Variants in CD2AP observed in about 807,000 individuals in gnomAD.
CD2AP encodes the protein CD2 associated protein, also known as CD2-associated protein.
Under a neutral mutation model 85.1 loss-of-function variants are expected in CD2AP, and 46 were observed. The ratio of observed to expected loss-of-function variants is 0.54; its 90% CI spans 0.43 to 0.69. The LOEUF (loss-of-function observed/expected upper bound fraction) is 0.69. CD2AP is among the 30% of genes least tolerant of loss of function. CD2AP has a pLI of 0.00. For missense variants in CD2AP, 769 were observed against 729.5 expected, an observed-to-expected ratio of 1.05 and a Z score of -0.62; for synonymous variants, 255 against 252.9, an observed-to-expected ratio of 1.01 and a Z score of -0.08.
chr6:47,599,011 A>G (rs963169358), intron 12 of CD2AP, among the ~76,000 whole-genome samples: 1 of 150,598 alleles, frequency 6.6e-6, no homozygotes, highest in Admixed American at 6.6e-5. Context: ...TTGTCCTTCT[A>G]TTGTTGCAAT....
chr6:47,600,238 AT>A (rs1769094017), intron 13 of CD2AP, among the ~76,000 whole-genome samples: 1 of 151,930 alleles, frequency 6.6e-6, no homozygotes, highest in Non-Finnish European at 1.5e-5. Context: ...GACACATTAA[AT>A]AAGCACTATC....
chr6:47,498,652 A>G (rs1765928361), intron 1 of CD2AP, among the ~76,000 whole-genome samples: 1 of 152,206 alleles, frequency 6.6e-6, no homozygotes, highest in Admixed American at 6.5e-5. Context: ...TTCAAAAAAC[A>G]GTAAGATACT....
At chr6:47,484,378 T>C (rs1272705044) in intron 1 of CD2AP, among the ~76,000 whole-genome samples, 1 of 151,884 alleles carries the variant, frequency 6.6e-6, no homozygotes, top group Non-Finnish European at 1.5e-5. Context: ...TATGTTTTGG[T>C]TTTTGTTTCT....
chr6:47,608,941 A>G (rs1191892480), intron 15 of CD2AP, among the ~76,000 whole-genome samples, 182 bp from the exon 16 acceptor site: 1 of 152,150 alleles, frequency 6.6e-6, no homozygotes, highest in Non-Finnish European at 1.5e-5. Flanking sequence ...ACCACTAATG[A>G]TTACAAATGT....
chr6:47,530,237 G>A (rs1044491002), intron 2 of CD2AP, among the ~76,000 whole-genome samples: 5 of 151,994 alleles, frequency 3.3e-5, no homozygotes, highest in Non-Finnish European at 5.9e-5. Flanking sequence ...ACAATAAATG[G>A]CATCCATTTA....
At chr6:47,486,704 C>A (rs1315947912) in intron 1 of CD2AP, among the ~76,000 whole-genome samples, 1 of 152,196 alleles carries the variant, frequency 6.6e-6, no homozygotes, top group African/African-American at 2.4e-5. Context: ...ATCCTTCTTA[C>A]TGTCCTATCA....
intron 1 of CD2AP, among the ~76,000 whole-genome samples, chr6:47,478,505 C>T (rs1028653037): frequency 6.2e-5 from 9 of 145,298 alleles, no homozygotes. Context: ...CAGAAAGGTG[C>T]GGGATGGGGG....
At chr6:47,570,712 C>G (rs114149837) in intron 5 of CD2AP, among the ~76,000 whole-genome samples, 1 of 152,120 alleles carries the variant, frequency 6.6e-6, no homozygotes, top group Non-Finnish European at 1.5e-5. Context: ...AATTAGTTTA[C>G]TTCTCATAGC....
At chr6:47,503,934 C>T (rs9395263) in intron 2 of CD2AP, among the ~76,000 whole-genome samples, 50,956 of 152,080 alleles carry the variant, frequency 0.34, 9,368 homozygotes, top group Middle Eastern at 0.53. Flanking sequence ...CTGGTCTTCT[C>T]ATTATATTTT....
intron 17 of CD2AP, among the ~76,000 whole-genome samples, chr6:47,615,789 T>TTAAA (rs1240983331): frequency 2.8e-4 from 25 of 89,718 alleles, no homozygotes; most frequent in Non-Finnish European, 2.5e-5. Context: ...TTTAATTTAA[T>TTAAA]TTAATTTATT....
intron 2 of CD2AP, among the ~76,000 whole-genome samples, chr6:47,518,943 C>T (rs1270458358): frequency 1.3e-5 from 2 of 149,696 alleles, no homozygotes; most frequent in African/African-American, 4.9e-5. Flanking sequence ...GTGGCATATC[C>T]CTCCCTACAC....
intron 2 of CD2AP, among the ~76,000 whole-genome samples, chr6:47,529,107 C>G (rs936733527): frequency 4.1e-5 from 6 of 147,828 alleles, no homozygotes; most frequent in Non-Finnish European, 7.4e-5. Flanking sequence ...CTGACTCTTT[C>G]AGCGTTTCTC....
At chr6:47,551,161 C>T (rs559934783) in intron 4 of CD2AP, among the ~76,000 whole-genome samples, 108 of 151,466 alleles carry the variant, frequency 7.1e-4, no homozygotes, top group African/African-American at 2.5e-3. Context: ...CTAACACCAC[C>T]GGTTCCCCAA....
In CD2AP at chr6:47,511,883, C is replaced by CA. The variant is rs1020376792; in HGVS notation, c.165+8443_165+8444insA. Among the ~76,000 whole-genome samples the CA allele has an allele frequency of 9.5e-5, 8 of 84,414 alleles. No homozygotes were observed. The Middle Eastern group carries it at 0.048, about 511-fold the overall frequency. 55.4% of individuals were successfully genotyped at this position (84,414 alleles called of 152,430 possible). ...CTCTACTAAAATACAAAAAATTGGC[C>CA]GGGGGTGGCTCACACTTGTAATCCC... On this transcript the variant is annotated intron_variant, in intron 2 of 17. Transcript: ENST00000359314.
intron 1 of CD2AP, among the ~76,000 whole-genome samples, chr6:47,483,078 T>C (rs1765485010): frequency 6.6e-6 from 1 of 152,178 alleles, no homozygotes; most frequent in Admixed American, 6.5e-5. Context: ...ACTAGTAAGA[T>C]GTGATTGAAA....
Position 47,624,303 on chromosome 6 carries a change from A to C in CD2AP, c.*76A>C. On this transcript the variant is annotated 3_prime_UTR_variant, in exon 18 of 18. Transcript: ENST00000359314. ...ATGAACTTCAGCTGACTTGTTACTT[A>C]AAAATTGTGAATTCTGTTGTTGTGA... The C allele has an allele frequency of 9.0e-7, 1 of 1,112,108 alleles. No individual in the cohort carries two copies. The highest frequency in any genetic ancestry group is 1.4e-6 in the Non-Finnish European group (1 of 725,994). The allele number at this position is 1,112,108 out of a possible 1,614,324, so 68.9% of individuals were successfully genotyped here.
At chr6:47,615,848 C>T (rs1010425694) in intron 17 of CD2AP, among the ~76,000 whole-genome samples, 80 of 147,438 alleles carry the variant, frequency 5.4e-4, no homozygotes, top group African/African-American at 1.4e-3. Context: ...GGTACGAACT[C>T]GGCTGACTGC....
At chr6:47,529,276 T>A (rs180984590) in intron 2 of CD2AP, among the ~76,000 whole-genome samples, 317 of 149,428 alleles carry the variant, frequency 2.1e-3, no homozygotes, top group Non-Finnish European at 3.7e-3. Context: ...TGTCGTTTTG[T>A]TGTAATGTTG....
At chr6:47,495,721 G>A (rs112338747) in intron 1 of CD2AP, among the ~76,000 whole-genome samples, 295 of 152,262 alleles carry the variant, frequency 1.9e-3, no homozygotes, top group African/African-American at 6.9e-3. Flanking sequence ...CCTTTTTCTT[G>A]TAAGGGTGGG....
Sources: gnomAD v4.1 joint callset for allele counts (sites outside exome capture counted in the v4.1 genomes callset) on GRCh38, gnomAD v4.1.1 for gene constraint, MANE v1.5 for transcripts, NCBI Gene and HGNC (gene_info 2026-07-23, HGNC 2026-07-21) for gene names.